The following CELF2 variants were observed in gnomAD, a reference collection of about 807,000 sequenced individuals.
CELF2 encodes the protein CUG triplet repeat RNA-binding protein 2.
A neutral mutation model predicts 62.6 loss-of-function variants in CELF2; 8 were observed. The ratio of observed to expected loss-of-function variants is 0.13; its 90% CI spans 0.07 to 0.23. The LOEUF is 0.23. Ranked by LOEUF, CELF2 falls within the 10% of genes least tolerant of loss-of-function variation. The pLI, the probability that CELF2 is intolerant of heterozygous loss-of-function variation, is 1.00. For synonymous variants in CELF2, 258 were observed against 250.0 expected, an observed-to-expected ratio of 1.03 and a Z score of -0.30; for missense variants, 333 against 671.0, an observed-to-expected ratio of 0.50 and a Z score of 5.56.
the CELF2 span, among the ~76,000 whole-genome samples, chr10:10,707,352 T>TATGTCAAGC: frequency 6.6e-6 from 1 of 152,200 alleles, no homozygotes; most frequent in South Asian, 2.1e-4. Flanking sequence ...AACTTTTTAT[T>TATGTCAAGC]ATGTCAAGCA....
intron 2 of CELF2, among the ~76,000 whole-genome samples, chr10:11,182,806 C>T (rs536024255): frequency 2.6e-5 from 4 of 152,164 alleles, no homozygotes; most frequent in African/African-American, 4.8e-5. Context: ...TCTTGTCGCC[C>T]AATCTCAGAA....
intron 1 of CELF2, among the ~76,000 whole-genome samples, chr10:11,127,873 C>T (rs920426980): frequency 1.2e-4 from 19 of 152,198 alleles, no homozygotes; most frequent in Admixed American, 4.6e-4. Flanking sequence ...CATGCAGAAG[C>T]TCCTTAGTTT....
chr10:10,464,411 C>A, the CELF2 span, among the ~76,000 whole-genome samples: 2 of 130,804 alleles, frequency 1.5e-5, no homozygotes, highest in African/African-American at 5.1e-5. Flanking sequence ...GCAAGTCAAA[C>A]CACAGTACTT....
At chr10:10,575,414 T>C in the CELF2 span, among the ~76,000 whole-genome samples, 2 of 152,234 alleles carry the variant, frequency 1.3e-5, no homozygotes. Flanking sequence ...TTGCTCTATG[T>C]TGGACATTTA....
intron 1 of CELF2, among the ~76,000 whole-genome samples, chr10:10,847,954 C>G (rs2059121323): frequency 6.6e-6 from 1 of 152,182 alleles, no homozygotes; most frequent in African/African-American, 2.4e-5. Flanking sequence ...CATTTAATTT[C>G]ACCATACAGG....
intron 4 of CELF2, among the ~76,000 whole-genome samples, chr10:11,256,748 C>G (rs1467929100): frequency 6.6e-6 from 1 of 151,438 alleles, no homozygotes; most frequent in African/African-American, 2.4e-5. Context: ...GTCTTTCGGG[C>G]CGAAAGTAGT....
At chr10:11,326,076 T>C in intron 12 of CELF2, 97 bp downstream of exon 12, 1 of 1,208,192 alleles carries the variant, frequency 8.3e-7, no homozygotes. Flanking sequence ...GGATAGGGCC[T>C]TCCCCACATT....
intron 2 of CELF2, chr10:10,946,147 C>G (rs2047654614): frequency 1.3e-5 from 2 of 152,628 alleles, no homozygotes; most frequent in Admixed American, 6.5e-5. Context: ...ATGATGCCAT[C>G]CTGGCTCTGT....
At chr10:11,040,399 C>T (rs1365995174) in intron 1 of CELF2, among the ~76,000 whole-genome samples, 1 of 152,218 alleles carries the variant, frequency 6.6e-6, no homozygotes, top group African/African-American at 2.4e-5. Flanking sequence ...TAAACTGCAT[C>T]ATATAATAAA....
chr10:10,594,109 A>G, the CELF2 span, among the ~76,000 whole-genome samples: 2 of 152,320 alleles, frequency 1.3e-5, no homozygotes, highest in East Asian at 3.9e-4. Context: ...AATGGGCAAT[A>G]ACCGTGGAGG....
Position 10,947,769 on chromosome 10 carries a change from C to G in CELF2, c.89+27770C>G, listed in dbSNP as rs139985428. Among the ~76,000 whole-genome samples the G allele has an allele frequency of 8.0e-4, 122 of 152,278 alleles. 2 individuals carry two copies. The highest frequency in any genetic ancestry group is 1.5e-3 in the Non-Finnish European group (102 of 68,034). ...AAGACACATACACACATCTTCACCA[C>G]AGAAGAAAAATATGGCATTTGAGGA... On this transcript the variant is annotated intron_variant, in intron 2 of 13. Transcript: ENST00000636488. The surrounding 1 kb of genome is among the most constrained non-coding windows in gnomAD (Gnocchi z 4.1).
chr10:10,970,987 A>T (rs1266726102), intron 2 of CELF2, among the ~76,000 whole-genome samples: 2 of 152,154 alleles, frequency 1.3e-5, no homozygotes, highest in African/African-American at 4.8e-5. Context: ...ATGACATTGA[A>T]TGAAGGGAGT....
At chr10:11,081,158 G>C (rs1354294580) in intron 1 of CELF2, among the ~76,000 whole-genome samples, 1 of 152,194 alleles carries the variant, frequency 6.6e-6, no homozygotes, top group Non-Finnish European at 1.5e-5. Context: ...ATGTACATTG[G>C]TTCTAGCAGA....
At chr10:10,495,684 G>A in the CELF2 span, among the ~76,000 whole-genome samples, 3,744 of 152,190 alleles carry the variant, frequency 0.025, 147 homozygotes, top group African/African-American at 0.086. Context: ...CATCAGTACT[G>A]CAATTACCAT....
At position 10,931,100 on chromosome 10, in the gene CELF2, T is replaced by C. The variant is rs996648858; in HGVS notation, c.89+11101T>C. On this transcript the variant is annotated intron_variant, in intron 2 of 13. Transcript: ENST00000636488. The surrounding 1 kb of genome is among the most constrained non-coding windows in gnomAD (Gnocchi z 6.1). The stretch of plus-strand genomic sequence containing the variant: ...TATACATAGATAGTTTTAAACCCTG[T>C]AAACCTTTCTTTTCGGATTAGGTTT... Among the ~76,000 whole-genome samples, 1 of 152,254 alleles carries C rather than the reference T, an allele frequency of 6.6e-6. No homozygotes were observed. Among genetic ancestry groups the C allele is most frequent in the East Asian group, 1.9e-4 (1 of 5,204 alleles).
At chr10:10,577,717 C>G in the CELF2 span, among the ~76,000 whole-genome samples, 2 of 152,162 alleles carry the variant, frequency 1.3e-5, no homozygotes, top group East Asian at 3.9e-4. Flanking sequence ...GCATAGTATT[C>G]CATGGTGTAT....
chr10:11,185,924 T>C lies in CELF2; in HGVS notation c.271+20242T>C, dbSNP rs147498332. ...TGTGTATAAAGTTGTATTATTTCTT[T>C]AGTTGTTTGGTAGAATTCATCACAT... On this transcript the variant is annotated intron_variant, in intron 2 of 12. Coordinates refer to ENST00000633077, the MANE Select transcript of CELF2 (RefSeq NM_001326342.2). Among the ~76,000 whole-genome samples, 817 of 152,346 alleles carry C rather than the reference T, an allele frequency of 5.4e-3. 5 individuals are homozygous for C. Among genetic ancestry groups the C allele is most frequent in the African/African-American group, 0.019 (785 of 41,576 alleles).
intron 4 of CELF2, among the ~76,000 whole-genome samples, chr10:11,254,073 G>C (rs2077965766): frequency 6.6e-6 from 1 of 152,168 alleles, no homozygotes; most frequent in Non-Finnish European, 1.5e-5. Flanking sequence ...CACCAAGACG[G>C]TCATCAAAAG....
chr10:10,658,807 C>T, the CELF2 span, among the ~76,000 whole-genome samples: 3 of 152,050 alleles, frequency 2.0e-5, no homozygotes, highest in Non-Finnish European at 2.9e-5. Context: ...TCATTACAGT[C>T]TTGGTGGTTT....
Sources: gnomAD v4.1 joint callset for allele counts (sites outside exome capture counted in the v4.1 genomes callset) on GRCh38, gnomAD v4.1.1 for gene constraint, Gnocchi (gnomAD v3.1) non-coding constraint, MANE v1.5 for transcripts, NCBI Gene and HGNC (gene_info 2026-07-23, HGNC 2026-07-21) for gene names.